KIRREL3: variants seen among roughly 807,000 people sequenced by gnomAD.
The protein encoded by KIRREL3 is kin of IRRE-like protein 3.
Under a neutral mutation model 89.7 loss-of-function variants are expected in KIRREL3, and 36 were observed. The ratio of observed to expected loss-of-function variants is 0.40; its 90% CI spans 0.31 to 0.53. The LOEUF (loss-of-function observed/expected upper bound fraction) is 0.53. Ranked by LOEUF, KIRREL3 falls within the 20% of genes least tolerant of loss-of-function variation. The pLI is 0.49. For synonymous variants in KIRREL3, 445 were observed against 441.4 expected, an observed-to-expected ratio of 1.01 and a Z score of -0.10; for missense variants, 864 against 1,056.6, an observed-to-expected ratio of 0.82 and a Z score of 2.53.
intron 6 of KIRREL3, among the ~76,000 whole-genome samples, chr11:126,460,213 T>G (rs1956498643): frequency 1.3e-5 from 2 of 152,028 alleles, no homozygotes; most frequent in Non-Finnish European, 2.9e-5. Context: ...CGGGGACAAA[T>G]GGATGAAGAT....
intron 1 of KIRREL3, among the ~76,000 whole-genome samples, chr11:126,962,985 T>C (rs1375233318): frequency 4.6e-5 from 7 of 152,150 alleles, no homozygotes. Context: ...TATTAAACAC[T>C]TAATAGACTA....
In KIRREL3 at chr11:126,565,310, A is replaced by G. The variant is rs1293281629; in HGVS notation, c.56-2398T>C. On this transcript the variant is annotated intron_variant, in intron 1 of 16. Transcript: ENST00000525144. The surrounding 1 kb of genome is among the most constrained non-coding windows in gnomAD (Gnocchi z 5.4). ...GGACACCCCCCAGGGCAACTGCTTG[A>G]GGAGAGGCTGTGTGGACAAGTGGTT... Among the ~76,000 whole-genome samples the G allele has an allele frequency of 1.3e-5, 2 of 152,230 alleles. No individual in the cohort carries two copies. Among genetic ancestry groups the G allele is most frequent in the African/African-American group, 4.8e-5 (2 of 41,460 alleles).
chr11:126,571,914 A>G lies in KIRREL3; in HGVS notation c.56-9002T>C, dbSNP rs2134628736. ...GGGGGAACAGAGAAATAGGATCATG[A>G]AGGCCATTCCTGTCCTCCAGTCTGT... On this transcript the variant is annotated intron_variant, in intron 1 of 16. Transcript: ENST00000525144. The surrounding 1 kb of genome is among the most constrained non-coding windows in gnomAD (Gnocchi z 7.7). 6.6e-6 allele frequency among the ~76,000 whole-genome samples: 1 copy of G among 152,370 alleles called. No homozygotes were observed. The highest frequency in any genetic ancestry group is 6.5e-5 in the Admixed American group (1 of 15,308).
intron 1 of KIRREL3, among the ~76,000 whole-genome samples, chr11:126,950,307 C>A (rs764121325): frequency 4.6e-5 from 7 of 152,132 alleles, no homozygotes; most frequent in Non-Finnish European, 8.8e-5. Flanking sequence ...ACGGAGATTG[C>A]AGTGAGCAGA....
rs1241643495 is a variant in KIRREL3, at chr11:126,607,292, A to G, written c.56-44380T>C. ...AGAGGGGCAAGGCGAGGAAGTCGCC[A>G]TAACACATTTGGTGTGGTTTTGGGC... On this transcript the variant is annotated intron_variant, in intron 1 of 16. Coordinates refer to ENST00000525144, the MANE Select transcript of KIRREL3 (RefSeq NM_032531.4). The surrounding 1 kb of genome is among the most constrained non-coding windows in gnomAD (Gnocchi z 6.6). Among the ~76,000 whole-genome samples the G allele has an allele frequency of 6.6e-6, 1 of 152,246 alleles. No homozygotes were observed. Among genetic ancestry groups the G allele is most frequent in the Non-Finnish European group, 1.5e-5 (1 of 68,046 alleles).
intron 1 of KIRREL3, among the ~76,000 whole-genome samples, chr11:126,632,713 G>T (rs1165337802): frequency 4.6e-5 from 7 of 152,296 alleles, no homozygotes; most frequent in Admixed American, 3.9e-4. Flanking sequence ...CTGCATATTA[G>T]CCACTGCTGT....
At chr11:126,514,813 CCAACACAACACAACA>C (rs61108090) in intron 4 of KIRREL3, among the ~76,000 whole-genome samples, 361 of 145,774 alleles carry the variant, frequency 2.5e-3, no homozygotes, top group Non-Finnish European at 3.0e-3. Context: ...CATTGCCTCT[CCAACACAACACAACA>C]CAACACAACA....
chr11:126,732,144 T>G (rs772244203), intron 1 of KIRREL3, among the ~76,000 whole-genome samples: 8 of 152,192 alleles, frequency 5.3e-5, no homozygotes, highest in Admixed American at 1.3e-4. Flanking sequence ...ATTTGGAGAC[T>G]AAGGATTCCT....
rs1944476925 is a variant in KIRREL3, at chr11:126,641,623, T to C, written c.56-78711A>G. On this transcript the variant is annotated intron_variant, in intron 1 of 16. Coordinates refer to ENST00000525144, the MANE Select transcript of KIRREL3 (RefSeq NM_032531.4). This position sits in a 1 kb window ranked among gnomAD's most constrained non-coding sequence, Gnocchi z 5.0. ...ACAACACCAGCCTCCTGGCTTCTTA[T>C]GGGGATAGTGGCTGCATCATGTCCC... Among the ~76,000 whole-genome samples, 1 of 152,170 alleles carries C rather than the reference T, an allele frequency of 6.6e-6. No homozygotes were observed. The highest frequency in any genetic ancestry group is 2.1e-4 in the South Asian group (1 of 4,810).
chr11:126,956,008 A>G (rs1450949642), intron 1 of KIRREL3, among the ~76,000 whole-genome samples: 1 of 152,208 alleles, frequency 6.6e-6, no homozygotes, highest in Non-Finnish European at 1.5e-5. Context: ...TGTTGCCTTC[A>G]GGGACCCATT....
At position 126,647,482 on chromosome 11, in the gene KIRREL3, T is replaced by C. The variant is rs1183900317; in HGVS notation, c.56-84570A>G. Among the ~76,000 whole-genome samples, 2 of 152,238 alleles carry C rather than the reference T, an allele frequency of 1.3e-5. No homozygotes were observed. The highest frequency in any genetic ancestry group is 2.4e-5 in the African/African-American group (1 of 41,460). ...CCAAGTTATTTGAATACTTCATTTA[T>C]GCATACGTTTACTCCTTTCATTCAG... On this transcript the variant is annotated intron_variant, in intron 1 of 16. Transcript: ENST00000525144. This position sits in a 1 kb window ranked among gnomAD's most constrained non-coding sequence, Gnocchi z 4.9.
rs1270303930 is a variant in KIRREL3, at chr11:126,566,825, C to T, written c.56-3913G>A. 6.6e-6 allele frequency among the ~76,000 whole-genome samples: 1 copy of T among 152,190 alleles called. No homozygotes were observed. Among genetic ancestry groups the T allele is most frequent in the Non-Finnish European group, 1.5e-5 (1 of 68,034 alleles). On this transcript the variant is annotated intron_variant, in intron 1 of 16. Coordinates refer to ENST00000525144, the MANE Select transcript of KIRREL3 (RefSeq NM_032531.4). The surrounding 1 kb of genome is among the most constrained non-coding windows in gnomAD (Gnocchi z 4.9). Reference sequence around the variant, plus strand: ...TTAATGACGCTGTCATATTCCCTTTCTCTTTAGATGCTCACAGTAAGTAGC... The same window carrying T: ...TTAATGACGCTGTCATATTCCCTTTTTCTTTAGATGCTCACAGTAAGTAGC...
At chr11:126,947,579 T>A (rs1369722712) in intron 1 of KIRREL3, among the ~76,000 whole-genome samples, 1 of 152,162 alleles carries the variant, frequency 6.6e-6, no homozygotes, top group Non-Finnish European at 1.5e-5. Flanking sequence ...TGAGTTGAGT[T>A]TTATGTGCAC....
chr11:126,857,889 T>C (rs576274586), intron 1 of KIRREL3, among the ~76,000 whole-genome samples: 1 of 151,986 alleles, frequency 6.6e-6, no homozygotes, highest in Non-Finnish European at 1.5e-5. Flanking sequence ...ATGAGAAACC[T>C]ACCGCTATCC....
At position 126,771,194 on chromosome 11, in the gene KIRREL3, A is replaced by G. The variant is rs1950010124; in HGVS notation, c.56-208282T>C. ...CAAGTCTTGTGTTAGCTGCTTTTAC[A>G]ACCATTGTCTCAGTGCGTCCCTAAA... is the stretch of plus-strand genomic sequence containing the variant. On this transcript the variant is annotated intron_variant, in intron 1 of 16. Transcript: ENST00000525144. The surrounding 1 kb of genome is among the most constrained non-coding windows in gnomAD (Gnocchi z 4.4). Among the ~76,000 whole-genome samples, 1 of 152,032 alleles carries G rather than the reference A, an allele frequency of 6.6e-6. No homozygotes were observed. The highest frequency in any genetic ancestry group is 1.5e-5 in the Non-Finnish European group (1 of 67,988).
At chr11:126,852,307 C>T (rs542496347) in intron 1 of KIRREL3, among the ~76,000 whole-genome samples, 12 of 152,294 alleles carry the variant, frequency 7.9e-5, no homozygotes, top group Admixed American at 5.9e-4. Context: ...CCACCTCAGC[C>T]TCCCAAAGCA....
At chr11:126,725,874 CT>C in intron 1 of KIRREL3, among the ~76,000 whole-genome samples, 1 of 152,216 alleles carries the variant, frequency 6.6e-6, no homozygotes, top group East Asian at 1.9e-4. Flanking sequence ...TCTCAGTTTC[CT>C]TATCTGTAAA....
chr11:126,487,667 A>G lies in KIRREL3; in HGVS notation c.434-14201T>C, dbSNP rs145449559. Among the ~76,000 whole-genome samples the G allele has an allele frequency of 2.6e-3, 400 of 152,368 alleles. 2 individuals are homozygous for G. Among genetic ancestry groups the G allele is most frequent in the African/African-American group, 8.6e-3 (358 of 41,592 alleles). ...CAATATTTTTAGAACTCATTAGATGAAAGTGTTTTAATTCTCATCTACAGT... is the reference window on the plus strand; with the variant it reads ...CAATATTTTTAGAACTCATTAGATGGAAGTGTTTTAATTCTCATCTACAGT... On this transcript the variant is annotated intron_variant, in intron 4 of 16. Coordinates refer to ENST00000525144, the MANE Select transcript of KIRREL3 (RefSeq NM_032531.4).
chr11:126,707,101 A>G (rs1026514121), intron 1 of KIRREL3, among the ~76,000 whole-genome samples: 1 of 152,106 alleles, frequency 6.6e-6, no homozygotes, highest in Admixed American at 6.6e-5. Context: ...CTACAGGTGC[A>G]TGCCACCACA....
Sources: allele counts gnomAD v4.1 joint callset (sites outside exome capture counted in the v4.1 genomes callset), GRCh38; gene constraint gnomAD v4.1.1; non-coding constraint Gnocchi (gnomAD v3.1); transcripts MANE v1.5; gene names NCBI Gene and HGNC (gene_info 2026-07-23, HGNC 2026-07-21).